OTULINL: variants seen among roughly 807,000 people sequenced by gnomAD.
OTULINL encodes the protein OTU deubiquitinase with linear linkage specificity like.
In OTULINL, 42 loss-of-function variants were observed where a neutral mutation model predicts 43.9. The observed-to-expected ratio is 0.96, with a 90% confidence interval of 0.75 to 1.24. The LOEUF is 1.24. OTULINL is among the 50% of genes most tolerant of loss of function. The probability of loss-of-function intolerance (pLI) is 0.00; values close to 1 mark genes in which losing one functional copy is unlikely to be tolerated. For synonymous variants in OTULINL, 172 were observed against 153.6 expected (o/e 1.12, Z -0.88); for missense variants, 411 against 426.4 (o/e 0.96, Z 0.32).
rs543150296 is a variant in OTULINL at position 14,610,877 on chromosome 5, T to A, written c.*563T>A. On this transcript the variant is annotated 3_prime_UTR_variant, in exon 8 of 8. Coordinates refer to ENST00000274217, the MANE Select transcript of OTULINL (RefSeq NM_019018.3). ...ATGTATGTTTATATACACACATGTA[T>A]CTGTATAGTTTTATATATACATATA... The A allele has an allele frequency of 2.9e-4, 44 of 153,008 alleles. No individual in the cohort carries two copies. The highest frequency in any genetic ancestry group is 9.9e-4 in the African/African-American group (41 of 41,592). 9.5% of individuals were successfully genotyped at this position (153,008 alleles called of 1,614,324 possible).
chr5:14,598,699 C>T (rs553873799), intron 1 of OTULINL, among the ~76,000 whole-genome samples: 23 of 152,124 alleles, frequency 1.5e-4, no homozygotes, highest in South Asian at 6.2e-4. Context: ...GCCTGGGCAA[C>T]GGCACAAGAC....
intron 1 of OTULINL, among the ~76,000 whole-genome samples, chr5:14,594,003 AT>A (rs1350262030): frequency 6.6e-6 from 1 of 152,326 alleles, no homozygotes; most frequent in East Asian, 1.9e-4. Flanking sequence ...TGGTTATTGT[AT>A]TCTACTAAGT....
chr5:14,589,412 G>A (rs1759159974), intron 1 of OTULINL, among the ~76,000 whole-genome samples: 1 of 152,152 alleles, frequency 6.6e-6, no homozygotes, highest in Admixed American at 6.5e-5. Context: ...TGAGCTCTAG[G>A]AGGAAGTGAA....
chr5:14,614,268 G>T lies in OTULINL; in HGVS notation c.*3954G>T, dbSNP rs1422177890. ...ACTGTCTATAGGGTTGCTTGTCATA[G>T]TTGAACATTATTTAATTAACTTATT... On this transcript the variant is annotated 3_prime_UTR_variant, in exon 8 of 8. Coordinates refer to ENST00000274217, the MANE Select transcript of OTULINL (RefSeq NM_019018.3). Among the ~76,000 whole-genome samples, 1 of 152,136 alleles carries T rather than the reference G, an allele frequency of 6.6e-6. No homozygotes were observed. Among genetic ancestry groups the T allele is most frequent in the Non-Finnish European group, 1.5e-5 (1 of 68,032 alleles).
At position 14,613,783 on chromosome 5, in the gene OTULINL, C is replaced by A. The variant is rs1294745115; in HGVS notation, c.*3469C>A. ...GGGGACCGGAGACCTCCAGACTAAGCTGGTGGAGGATGGGCTCAACCTCCA... is the reference window on the plus strand; with the variant it reads ...GGGGACCGGAGACCTCCAGACTAAGATGGTGGAGGATGGGCTCAACCTCCA... On this transcript the variant is annotated 3_prime_UTR_variant, in exon 8 of 8. Coordinates refer to ENST00000274217, the MANE Select transcript of OTULINL (RefSeq NM_019018.3). Among the ~76,000 whole-genome samples, 1 of 152,170 alleles carries A rather than the reference C, an allele frequency of 6.6e-6. No individual in the cohort carries two copies. Among genetic ancestry groups the A allele is most frequent in the Non-Finnish European group, 1.5e-5 (1 of 68,036 alleles).
chr5:14,586,418 A>C (rs924674252), intron 1 of OTULINL, among the ~76,000 whole-genome samples: 3 of 152,196 alleles, frequency 2.0e-5, no homozygotes, highest in African/African-American at 7.2e-5. Context: ...GCTTATGTTC[A>C]TTTCTAGGAG....
At chr5:14,585,757 G>A (rs1001487440) in intron 1 of OTULINL, among the ~76,000 whole-genome samples, 11 of 152,236 alleles carry the variant, frequency 7.2e-5, no homozygotes, top group South Asian at 2.1e-4. Flanking sequence ...CAAGGCTTCC[G>A]CTAGTAAGTG....
At chr5:14,601,279 A>G in intron 3 of OTULINL, 35 bp downstream of exon 3, 1 of 1,608,936 alleles carries the variant, frequency 6.2e-7, no homozygotes, top group South Asian at 1.1e-5. Flanking sequence ...CTTTATTTTT[A>G]AGGTGCAGAG....
At chr5:14,606,519 A>G (rs1020753696) in intron 5 of OTULINL, among the ~76,000 whole-genome samples, 6 of 152,234 alleles carry the variant, frequency 3.9e-5, no homozygotes, top group African/African-American at 1.2e-4. Flanking sequence ...ACTCTTACAT[A>G]CACCATAATC....
intron 1 of OTULINL, among the ~76,000 whole-genome samples, chr5:14,583,759 G>T (rs767255321): frequency 1.2e-4 from 19 of 152,132 alleles, no homozygotes; most frequent in Non-Finnish European, 2.6e-4. Context: ...AGTGGTGTTT[G>T]GCAAAACAAA....
At chr5:14,595,788 A>T (rs1360680997) in intron 1 of OTULINL, among the ~76,000 whole-genome samples, 1 of 151,752 alleles carries the variant, frequency 6.6e-6, no homozygotes, top group Non-Finnish European at 1.5e-5. Flanking sequence ...CCTCTAGGAC[A>T]TGTTCACTGC....
chr5:14,602,771 T>G lies in OTULINL; in HGVS notation c.498+439T>G, dbSNP rs986730553. ...TAAGAGGCCATTTAATCCAGTCCTC[T>G]GTCTCTCATGTCAGTTGCAAATAAA... On this transcript the variant is annotated intron_variant, in intron 5 of 7. Transcript: ENST00000274217. 5.9e-5 allele frequency among the ~76,000 whole-genome samples: 9 copies of G among 152,240 alleles called. 1 individual carries two copies. Among genetic ancestry groups the G allele is most frequent in the Admixed American group, 2.6e-4 (4 of 15,288 alleles).
rs778576055 is a variant in OTULINL, at chr5:14,614,738, C to T, written c.*4424C>T. ...CAAGCTCCATGTGGGAACAGTGTGG[C>T]CCAAGAGCCAGCATGGAGGAGGGCT... On this transcript the variant is annotated 3_prime_UTR_variant, in exon 8 of 8. Transcript: ENST00000274217. 111 of 398,454 alleles carry T rather than the reference C, an allele frequency of 2.8e-4. No homozygotes were observed. Among genetic ancestry groups the T allele is most frequent in the Non-Finnish European group, 4.4e-4 (99 of 226,086 alleles). The allele number at this position is 398,454 out of a possible 1,614,324, so 24.7% of individuals were successfully genotyped here.
rs971525914 is a variant in OTULINL, at chr5:14,611,925, G to C, written c.*1611G>C. The C allele has an allele frequency of 2.0e-5, 3 of 152,134 alleles. No individual in the cohort carries two copies. The highest frequency in any genetic ancestry group is 7.2e-5 in the African/African-American group (3 of 41,442). 9.4% of individuals were successfully genotyped at this position (152,134 alleles called of 1,614,324 possible). A position where few individuals can be genotyped will look rare whatever the true frequency, so the allele number is the denominator to read the frequency against. On this transcript the variant is annotated 3_prime_UTR_variant, in exon 8 of 8. Coordinates refer to ENST00000274217, the MANE Select transcript of OTULINL (RefSeq NM_019018.3). ...TCAAATGCTGTCATGTCTGAAATTA[G>C]CATTCATATTCTTTTGCAATGGGGA...
chr5:14,604,594 A>T (rs1759441507), intron 5 of OTULINL, among the ~76,000 whole-genome samples: 2 of 152,242 alleles, frequency 1.3e-5, no homozygotes, highest in African/African-American at 4.8e-5. Context: ...TCATGTTGAC[A>T]ATAACTGCAA....
intron 1 of OTULINL, among the ~76,000 whole-genome samples, chr5:14,597,564 T>C (rs994187967): frequency 6.6e-6 from 1 of 152,202 alleles, no homozygotes; most frequent in Non-Finnish European, 1.5e-5. Flanking sequence ...AATAAAAGCT[T>C]AAACTGTAGC....
At chr5:14,601,917 T>C (rs1759395458) in intron 4 of OTULINL, among the ~76,000 whole-genome samples, 1 of 152,216 alleles carries the variant, frequency 6.6e-6, no homozygotes, top group Admixed American at 6.5e-5. Flanking sequence ...GTCCTAAAAG[T>C]ATACAGAGTT....
At chr5:14,585,446 A>G (rs778455854) in intron 1 of OTULINL, among the ~76,000 whole-genome samples, 1 of 152,156 alleles carries the variant, frequency 6.6e-6, no homozygotes, top group Non-Finnish European at 1.5e-5. Flanking sequence ...TTTGGTACCA[A>G]GTATTTTATC....
chr5:14,583,920 T>C (rs1759061617), intron 1 of OTULINL, among the ~76,000 whole-genome samples: 1 of 152,202 alleles, frequency 6.6e-6, no homozygotes, highest in Non-Finnish European at 1.5e-5. Context: ...TTTTACTATT[T>C]CTTCTTTAAA....
Sources: allele counts gnomAD v4.1 joint callset (sites outside exome capture counted in the v4.1 genomes callset), GRCh38; gene constraint gnomAD v4.1.1; transcripts MANE v1.5; gene names NCBI Gene and HGNC (gene_info 2026-07-23, HGNC 2026-07-21).